Variants in CERS6 observed in about 807,000 individuals in gnomAD.
CERS6 encodes ceramide synthase 6.
Under a neutral mutation model 56.8 loss-of-function variants are expected in CERS6, and 26 were observed. That is an observed-to-expected ratio of 0.46 (90% confidence interval 0.34 to 0.63). The LOEUF is 0.63. Among genes scored for constraint, CERS6 ranks in the 30% least tolerant of loss-of-function variants. CERS6 has a pLI of 0.01. For synonymous variants in CERS6, 164 were observed against 173.3 expected, an observed-to-expected ratio of 0.95 and a Z score of 0.42; for missense variants, 415 against 467.5, an observed-to-expected ratio of 0.89 and a Z score of 1.04.
intron 5 of CERS6, among the ~76,000 whole-genome samples, chr2:168,693,362 T>C (rs1255949363): frequency 6.6e-6 from 1 of 152,150 alleles, no homozygotes; most frequent in Non-Finnish European, 1.5e-5. Flanking sequence ...TAGTAATTAT[T>C]ATAATGGGAT....
chr2:168,545,655 T>G (rs889820258), intron 1 of CERS6, among the ~76,000 whole-genome samples: 1 of 152,180 alleles, frequency 6.6e-6, no homozygotes, highest in South Asian at 2.1e-4. Context: ...CTCAACACCG[T>G]GATAGCAACA....
At chr2:168,574,534 ACAAT>A (rs1272695987) in intron 3 of CERS6, among the ~76,000 whole-genome samples, 4 of 152,132 alleles carry the variant, frequency 2.6e-5, no homozygotes. Flanking sequence ...GGATGAACAA[ACAAT>A]CCTTCATTTC....
intron 8 of CERS6, among the ~76,000 whole-genome samples, chr2:168,731,511 G>A (rs142239091): frequency 2.6e-5 from 4 of 151,990 alleles, no homozygotes; most frequent in African/African-American, 9.7e-5. Context: ...AAATATAAGG[G>A]TATTTTATCT....
chr2:168,643,531 C>G (rs982116326), intron 4 of CERS6, among the ~76,000 whole-genome samples: 1 of 152,072 alleles, frequency 6.6e-6, no homozygotes, highest in Non-Finnish European at 1.5e-5. Context: ...ATGCTACCAC[C>G]AAAAATGCAC....
chr2:168,557,971 G>A (rs1314013031), intron 2 of CERS6, among the ~76,000 whole-genome samples: 1 of 152,062 alleles, frequency 6.6e-6, no homozygotes, highest in Non-Finnish European at 1.5e-5. Flanking sequence ...GAAAAAATAG[G>A]CAGTAGATAT....
At chr2:168,610,341 A>G (rs1248172478) in intron 3 of CERS6, among the ~76,000 whole-genome samples, 1 of 152,168 alleles carries the variant, frequency 6.6e-6, no homozygotes, top group Non-Finnish European at 1.5e-5. Flanking sequence ...TCCATCGGGA[A>G]GCAGCTTTGG....
intron 4 of CERS6, among the ~76,000 whole-genome samples, chr2:168,641,557 G>A (rs4233819): frequency 0.9 from 137,660 of 152,146 alleles, 62,778 homozygotes; most frequent in South Asian, 0.97. Flanking sequence ...AAAACCTACC[G>A]GCCCAGGTTC....
chr2:168,675,262 G>A (rs979248592), intron 4 of CERS6, among the ~76,000 whole-genome samples: 4 of 151,676 alleles, frequency 2.6e-5, no homozygotes, highest in East Asian at 3.9e-4. Context: ...GTGAGCCACC[G>A]CGCCCAGTTT....
intron 1 of CERS6, among the ~76,000 whole-genome samples, chr2:168,546,915 A>G (rs1051670653): frequency 6.6e-6 from 1 of 152,220 alleles, no homozygotes; most frequent in African/African-American, 2.4e-5. Context: ...ACCAGAAAGA[A>G]GGCTCAGTCC....
intron 3 of CERS6, among the ~76,000 whole-genome samples, chr2:168,573,820 A>G (rs1004277254): frequency 6.6e-6 from 1 of 152,126 alleles, no homozygotes; most frequent in Non-Finnish European, 1.5e-5. Flanking sequence ...TTTGGCTTGT[A>G]TCAGGTCCCA....
rs980494123 is a variant in CERS6, at chr2:168,769,697, T to C, written c.*35T>C. 1.5e-5 allele frequency: 24 copies of C among 1,596,550 alleles called. No individual in the cohort carries two copies. Among genetic ancestry groups the C allele is most frequent in the Admixed American group, 3.5e-5 (2 of 56,574 alleles). ...ACTACAAGTCCCAAGCAAAGTGAACTATTTGTTCCTGGAAGTATTTAATAA... is the reference window on the plus strand; with the variant it reads ...ACTACAAGTCCCAAGCAAAGTGAACCATTTGTTCCTGGAAGTATTTAATAA... On this transcript the variant is annotated 3_prime_UTR_variant, in exon 10 of 10. Coordinates refer to ENST00000305747, the MANE Select transcript of CERS6 (RefSeq NM_203463.3).
At chr2:168,641,148 C>T (rs978502473) in intron 4 of CERS6, among the ~76,000 whole-genome samples, 4 of 152,168 alleles carry the variant, frequency 2.6e-5, no homozygotes, top group East Asian at 1.9e-4. Flanking sequence ...CTTTCACAGA[C>T]GACATGATTG....
chr2:168,593,152 A>G (rs768568615), intron 3 of CERS6, among the ~76,000 whole-genome samples: 12 of 152,094 alleles, frequency 7.9e-5, no homozygotes, highest in Non-Finnish European at 1.3e-4. Flanking sequence ...TTTTTCCCTT[A>G]TAAGAACTTC....
chr2:168,608,762 T>G (rs1684114074), intron 3 of CERS6, among the ~76,000 whole-genome samples: 1 of 152,256 alleles, frequency 6.6e-6, no homozygotes, highest in South Asian at 2.1e-4. Flanking sequence ...TACAAATCCT[T>G]TGTGGGTTTA....
At chr2:168,710,114 G>A (rs544915643) in intron 6 of CERS6, among the ~76,000 whole-genome samples, 1 of 152,166 alleles carries the variant, frequency 6.6e-6, no homozygotes, top group South Asian at 2.1e-4. Context: ...TGATTTATAT[G>A]CAAAAAACAT....
intron 4 of CERS6, among the ~76,000 whole-genome samples, chr2:168,659,174 GGTTT>G (rs1266052418): frequency 6.6e-6 from 1 of 152,114 alleles, no homozygotes; most frequent in African/African-American, 2.4e-5. Context: ...TCCCACGCTT[GGTTT>G]GTTATTACGA....
chr2:168,477,724 G>A (rs1477540223), intron 1 of CERS6, among the ~76,000 whole-genome samples: 1 of 152,180 alleles, frequency 6.6e-6, no homozygotes, highest in African/African-American at 2.4e-5. Context: ...TGTCCCCTTA[G>A]GGGATTGTAC....
chr2:168,490,080 G>A (rs1013429826), intron 1 of CERS6, among the ~76,000 whole-genome samples: 1 of 152,142 alleles, frequency 6.6e-6, no homozygotes, highest in Non-Finnish European at 1.5e-5. Flanking sequence ...CAAAGCCTTT[G>A]TGATGCAACT....
intron 3 of CERS6, among the ~76,000 whole-genome samples, chr2:168,611,728 T>C (rs926859084): frequency 2.0e-5 from 3 of 152,226 alleles, no homozygotes; most frequent in Non-Finnish European, 4.4e-5. Flanking sequence ...GGTTTTATAA[T>C]ATTAAACATT....
Sources: gnomAD v4.1 joint callset for allele counts (sites outside exome capture counted in the v4.1 genomes callset) on GRCh38, gnomAD v4.1.1 for gene constraint, MANE v1.5 for transcripts, NCBI Gene and HGNC (gene_info 2026-07-23, HGNC 2026-07-21) for gene names.